Variants in KCNC1 observed in about 807,000 individuals in gnomAD.
KCNC1 encodes the protein voltage-gated potassium channel KCNC1.
Under a neutral mutation model 43.4 loss-of-function variants are expected in KCNC1, and 8 were observed. The ratio of observed to expected loss-of-function variants is 0.18; its 90% CI spans 0.11 to 0.33. KCNC1 has a LOEUF of 0.33. Ranked by LOEUF, KCNC1 falls within the 10% of genes least tolerant of loss-of-function variation. KCNC1 has a pLI of 1.00. For missense variants in KCNC1, 420 were observed against 836.0 expected (o/e 0.50, Z 6.14); for synonymous variants, 361 against 360.5 (o/e 1.00, Z -0.01).
At chr11:17,737,245 A>G (rs997676308) in intron 1 of KCNC1, among the ~76,000 whole-genome samples, 12 of 152,096 alleles carry the variant, frequency 7.9e-5, no homozygotes, top group Admixed American at 7.9e-4. Flanking sequence ...TGAGCCCCCG[A>G]TCCTGAGATC....
At position 17,771,888 on chromosome 11, in the gene KCNC1, T is replaced by C. The variant is rs112489382; in HGVS notation, c.794T>C (p.Ile265Thr). The C allele has an allele frequency of 1.2e-6, 2 of 1,614,198 alleles. No individual in the cohort carries two copies. Among genetic ancestry groups the C allele is most frequent in the Non-Finnish European group, 1.7e-6 (2 of 1,180,006 alleles). Residue 265 changes from isoleucine (I) to threonine (T), a missense_variant, in exon 2 of 4, where the codon ATC (isoleucine) becomes ACC (threonine). Physicochemically the swap from Ile to Thr is moderately conservative, Grantham distance 89. Around this residue, in one of 5 missense-constraint regions of KCNC1, gnomAD observed 151 missense variants for 216.7 expected, o/e 0.70. Coordinates refer to ENST00000265969, the MANE Select transcript of KCNC1 (RefSeq NM_001112741.2). This position sits in a 1 kb window ranked among gnomAD's most constrained non-coding sequence, Gnocchi z 4.7. Reference sequence around the variant, plus strand: ...ACCTTCGAGTTCCTCATGCGTGTCATCTTCTGCCCCAACAAGGTAGAGTTC... The same window carrying C: ...ACCTTCGAGTTCCTCATGCGTGTCACCTTCTGCCCCAACAAGGTAGAGTTC... ...WFTFEFLMRV[I>T]FCPNKVEFIK... is the part of the protein sequence containing the mutation.
intron 1 of KCNC1, among the ~76,000 whole-genome samples, chr11:17,758,170 G>A (rs1417938851): frequency 6.6e-6 from 1 of 152,180 alleles, no homozygotes; most frequent in Non-Finnish European, 1.5e-5. Flanking sequence ...TCTTCACCAG[G>A]AATAGATTCC....
chr11:17,752,169 G>A (rs1312745905), intron 1 of KCNC1, among the ~76,000 whole-genome samples: 3 of 152,202 alleles, frequency 2.0e-5, no homozygotes, highest in African/African-American at 7.2e-5. Flanking sequence ...GCTTGGTGGA[G>A]CCTGGATGCT....
intron 1 of KCNC1, among the ~76,000 whole-genome samples, chr11:17,763,168 G>A (rs943190936): frequency 3.9e-5 from 6 of 152,042 alleles, no homozygotes; most frequent in South Asian, 2.1e-4. Flanking sequence ...GCGCCGGGAC[G>A]CTGCCTTTTC....
chr11:17,753,973 G>A (rs1486290034), intron 1 of KCNC1, among the ~76,000 whole-genome samples: 2 of 152,222 alleles, frequency 1.3e-5, no homozygotes, highest in African/African-American at 4.8e-5. Context: ...TCTGCTGGGA[G>A]GGAAGGATGT....
At chr11:17,748,851 A>C (rs1292038864) in intron 1 of KCNC1, among the ~76,000 whole-genome samples, 1 of 152,000 alleles carries the variant, frequency 6.6e-6, no homozygotes, top group Non-Finnish European at 1.5e-5. Context: ...GGCCGTAATG[A>C]GGGGCCTCTG....
At position 17,779,780 on chromosome 11, in the gene KCNC1, CCAGGGTCGGCCCCTGGAGGGCTGAGG is replaced by C. The variant is rs1316501526; in HGVS notation, c.1693+138_1693+163del. On this transcript the variant is annotated intron_variant, in intron 3 of 3. Transcript: ENST00000265969. This position sits in a 1 kb window ranked among gnomAD's most constrained non-coding sequence, Gnocchi z 7.2. ...GGGGGGCAAGGATGGAGGGAATCTCCCAGGGTCGGCCCCTGGAGGGCTGAGGCCCTTCCCCCCAAGTGAGATGTCAG... is the reference window on the plus strand; with the variant it reads ...GGGGGGCAAGGATGGAGGGAATCTCCCCCTTCCCCCCAAGTGAGATGTCAG... The C allele has an allele frequency of 1.4e-6, 1 of 692,962 alleles. No individual in the cohort carries two copies. The highest frequency in any genetic ancestry group is 3.2e-5 in the East Asian group (1 of 31,122). 42.9% of individuals were successfully genotyped at this position (692,962 alleles called of 1,614,324 possible).
chr11:17,751,561 T>C (rs1259787960), intron 1 of KCNC1, among the ~76,000 whole-genome samples: 11 of 152,156 alleles, frequency 7.2e-5, no homozygotes, highest in Admixed American at 4.6e-4. Flanking sequence ...AGTACATGTG[T>C]GCAGAAAGTG....
In KCNC1 at chr11:17,781,351, C is replaced by T. The variant is rs964723537; in HGVS notation, c.1694-319C>T. ...TGAAGTGTCCCCACCTACATCCATTCGGCCCGCGCTCTCATGGAGCCACGA... is the reference window on the plus strand; with the variant it reads ...TGAAGTGTCCCCACCTACATCCATTTGGCCCGCGCTCTCATGGAGCCACGA... On this transcript the variant is annotated intron_variant, in intron 3 of 3. Coordinates refer to ENST00000265969, the MANE Select transcript of KCNC1 (RefSeq NM_001112741.2). The surrounding 1 kb of genome is among the most constrained non-coding windows in gnomAD (Gnocchi z 5.1). The T allele has an allele frequency of 1.3e-5, 4 of 314,410 alleles. No individual in the cohort carries two copies. Among genetic ancestry groups the T allele is most frequent in the South Asian group, 1.0e-4 (2 of 19,592 alleles). The allele number at this position is 314,410 out of a possible 1,614,324, so 19.5% of individuals were successfully genotyped here.
chr11:17,772,330 C>T lies in KCNC1; in HGVS notation c.1236C>T (p.Ser412=), dbSNP rs73424033. 890 of 1,614,176 alleles carry T rather than the reference C, an allele frequency of 5.5e-4. 5 individuals are homozygous for T. The African/African-American group carries it at 9.5e-3, about 17-fold the overall frequency. The change falls in exon 2 of 4, where the codon TCC becomes TCT. Residue 412 remains serine, a synonymous_variant. Transcript: ENST00000265969. ...GYGDMYPQTW[S]GMLVGALCAL... is the part of the protein sequence containing the mutation. ...GAGACATGTACCCGCAGACGTGGTC[C>T]GGCATGCTGGTGGGGGCTCTGTGTG...
At chr11:17,775,621 C>T (rs1849276737) in intron 2 of KCNC1, 1 of 985,542 alleles carries the variant, frequency 1.0e-6, no homozygotes, top group Admixed American at 6.1e-5. Context: ...CCCAGACCGC[C>T]CACTCTGGAC....
chr11:17,772,908 C>G, intron 2 of KCNC1: 1 of 1,238,208 alleles, frequency 8.1e-7, no homozygotes, highest in African/African-American at 1.5e-5. Context: ...GCCAGGGGGG[C>G]TCTGCTTGGT....
chr11:17,749,278 G>A (rs912160310), intron 1 of KCNC1, among the ~76,000 whole-genome samples: 8 of 152,248 alleles, frequency 5.3e-5, no homozygotes, highest in South Asian at 2.1e-4. Context: ...GCACTGGTGC[G>A]CACGTGATGC....
chr11:17,735,955 G>A lies in KCNC1; in HGVS notation c.-48G>A. On this transcript the variant is annotated 5_prime_UTR_variant, in exon 1 of 4. Transcript: ENST00000265969. This position sits in a 1 kb window ranked among gnomAD's most constrained non-coding sequence, Gnocchi z 6.7. The stretch of plus-strand genomic sequence containing the variant: ...CCGGCGCCAACTCCCCCTGGCGGCC[G>A]CTCCCATGGGTGTCGCTGGGCCGCG... 7.3e-7 allele frequency: 1 copy of A among 1,378,134 alleles called. No individual in the cohort carries two copies. The highest frequency in any genetic ancestry group is 9.3e-7 in the Non-Finnish European group (1 of 1,073,994). The allele number at this position is 1,378,134 out of a possible 1,614,324, so 85.4% of individuals were successfully genotyped here. A position where few individuals can be genotyped will look rare whatever the true frequency, so the allele number is the denominator to read the frequency against.
At chr11:17,767,153 G>A (rs892108847) in intron 1 of KCNC1, among the ~76,000 whole-genome samples, 4 of 150,566 alleles carry the variant, frequency 2.7e-5, no homozygotes, top group Admixed American at 2.0e-4. Context: ...AAAATTAGCC[G>A]GCTGTGGTGG....
chr11:17,765,179 A>C (rs1450900535), intron 1 of KCNC1, among the ~76,000 whole-genome samples: 1 of 152,214 alleles, frequency 6.6e-6, no homozygotes, highest in East Asian at 1.9e-4. Context: ...CCAAGGTCAC[A>C]CAGCAAGTGA....
chr11:17,774,174 G>T, intron 2 of KCNC1: 1 of 985,556 alleles, frequency 1.0e-6, no homozygotes, highest in Non-Finnish European at 1.2e-6. Context: ...AACATGGCCA[G>T]GGGTCTCCGA....
chr11:17,772,828 G>A (rs1473841077), intron 2 of KCNC1: 13 of 1,412,650 alleles, frequency 9.2e-6, no homozygotes, highest in Middle Eastern at 2.6e-4. Flanking sequence ...GGAGGTTGAC[G>A]CGGTTGGTCT....
intron 1 of KCNC1, among the ~76,000 whole-genome samples, chr11:17,759,929 G>GA (rs779154801): frequency 4.6e-5 from 7 of 151,894 alleles, no homozygotes; most frequent in Admixed American, 1.3e-4. Flanking sequence ...ACTTGAATTG[G>GA]AAAAAAAATT....
Sources: allele counts gnomAD v4.1 joint callset (sites outside exome capture counted in the v4.1 genomes callset), GRCh38; gene constraint gnomAD v4.1.1; regional missense constraint gnomAD v4.1.1; non-coding constraint Gnocchi (gnomAD v3.1); transcripts MANE v1.5; gene names NCBI Gene and HGNC (gene_info 2026-07-23, HGNC 2026-07-21).